PTCHD4: variants seen among roughly 807,000 people sequenced by gnomAD.
The protein encoded by PTCHD4 is patched domain containing 4, also known as patched domain-containing protein 4.
PTCHD4 carries 33 observed loss-of-function variants against 58.1 expected under a neutral mutation model. The ratio of observed to expected loss-of-function variants is 0.57; its 90% CI spans 0.43 to 0.76. PTCHD4 has a LOEUF of 0.76. PTCHD4 is among the 30% of genes least tolerant of loss of function. The pLI, the probability that PTCHD4 is intolerant of heterozygous loss-of-function variation, is 0.00. For synonymous variants in PTCHD4, 478 were observed against 409.6 expected (o/e 1.17, Z -2.02); for missense variants, 1,058 against 1,027.1 (o/e 1.03, Z -0.41).
chr6:48,044,767 G>A (rs978678207), intron 3 of PTCHD4, among the ~76,000 whole-genome samples: 1 of 151,848 alleles, frequency 6.6e-6, no homozygotes, highest in African/African-American at 2.4e-5. Context: ...AAATGAATAA[G>A]ATAGGAATTT....
At chr6:48,000,400 C>T (rs1768676814) in intron 4 of PTCHD4, among the ~76,000 whole-genome samples, 1 of 152,042 alleles carries the variant, frequency 6.6e-6, no homozygotes, top group Admixed American at 6.6e-5. Flanking sequence ...ATTCTTCTAC[C>T]CAGCTATATG....
At chr6:47,893,606 C>A (rs575955929) in intron 4 of PTCHD4, among the ~76,000 whole-genome samples, 5 of 152,294 alleles carry the variant, frequency 3.3e-5, no homozygotes, top group Non-Finnish European at 5.9e-5. Flanking sequence ...GATTTGCTAA[C>A]CTGCAAAATG....
intron 4 of PTCHD4, among the ~76,000 whole-genome samples, chr6:47,943,407 T>C (rs943889941): frequency 6.6e-6 from 1 of 152,156 alleles, no homozygotes; most frequent in Non-Finnish European, 1.5e-5. Context: ...GAATACCTAC[T>C]AGGGATTGGC....
Position 47,871,331 on chromosome 6 carries a change from TAAAC to T in PTCHD4, c.*6968_*6971del, listed in dbSNP as rs950674937. On this transcript the variant is annotated 3_prime_UTR_variant, in exon 5 of 5. Coordinates refer to ENST00000339488, the MANE Select transcript of PTCHD4 (RefSeq NM_001384253.1). ...TTTGTCTCTTTCTATTTGCCTAGAA[TAAAC>T]AAACAAACACCCGAACAGATTTTTT... Among the ~76,000 whole-genome samples the T allele has an allele frequency of 2.0e-5, 3 of 151,604 alleles. No individual in the cohort carries two copies. The highest frequency in any genetic ancestry group is 3.0e-5 in the Non-Finnish European group (2 of 67,702).
chr6:48,003,751 A>G (rs1768831741), intron 4 of PTCHD4, among the ~76,000 whole-genome samples: 2 of 152,162 alleles, frequency 1.3e-5, no homozygotes, highest in Non-Finnish European at 2.9e-5. Flanking sequence ...ACCTGACCCA[A>G]TACTACCTCT....
At chr6:48,098,599 A>T (rs749166855) in intron 1 of PTCHD4, among the ~76,000 whole-genome samples, 16 of 152,266 alleles carry the variant, frequency 1.1e-4, no homozygotes, top group Non-Finnish European at 1.8e-4. Flanking sequence ...TGAGCCTCCC[A>T]AAGTGCTGGG....
chr6:47,889,497 A>G (rs1272700732), intron 4 of PTCHD4, among the ~76,000 whole-genome samples: 265 of 151,868 alleles, frequency 1.7e-3, no homozygotes, highest in African/African-American at 5.1e-3. Context: ...CCACTTTTTG[A>G]TGGGGTTGTT....
At chr6:47,985,212 G>C (rs2114019683) in intron 4 of PTCHD4, among the ~76,000 whole-genome samples, 1 of 151,850 alleles carries the variant, frequency 6.6e-6, no homozygotes, top group Middle Eastern at 3.4e-3. Flanking sequence ...TGACATAGTT[G>C]AATAAAAATC....
chr6:47,892,230 G>T (rs1394631726), intron 4 of PTCHD4, among the ~76,000 whole-genome samples: 1 of 152,150 alleles, frequency 6.6e-6, no homozygotes, highest in African/African-American at 2.4e-5. Context: ...TGGTCAAGAG[G>T]AAGGAATTGG....
Position 47,876,815 on chromosome 6 carries a change from C to G in PTCHD4, c.*1488G>C, listed in dbSNP as rs1452624988. On this transcript the variant is annotated 3_prime_UTR_variant, in exon 5 of 5. Coordinates refer to ENST00000339488, the MANE Select transcript of PTCHD4 (RefSeq NM_001384253.1). The stretch of plus-strand genomic sequence containing the variant: ...AGCAATAGTCCAAGTAAGCACCCAA[C>G]AGGTGCTTGGGAGTAGTTTTAAACT... Among the ~76,000 whole-genome samples the G allele has an allele frequency of 6.6e-6, 1 of 152,024 alleles. No individual in the cohort carries two copies. The highest frequency in any genetic ancestry group is 2.4e-5 in the African/African-American group (1 of 41,418).
chr6:48,053,045 T>A (rs777051510), intron 3 of PTCHD4, among the ~76,000 whole-genome samples: 1 of 152,216 alleles, frequency 6.6e-6, no homozygotes, highest in South Asian at 2.1e-4. Flanking sequence ...TTTCCTCTAA[T>A]TGATATTATG....
chr6:48,009,090 G>A lies in PTCHD4; in HGVS notation c.442C>T (p.His148Tyr), dbSNP rs1656752784. Reference protein sequence around the residue: ...MKDGRNSFIGHQLGGVVEVPN... With the variant: ...MKDGRNSFIGYQLGGVVEVPN... ...ACTTCCACTACCCCGCCCAGTTGGTGTCCAATAAAACTGTTCCTCCCATCC... is the reference window on the plus strand; with the variant it reads ...ACTTCCACTACCCCGCCCAGTTGGTATCCAATAAAACTGTTCCTCCCATCC... The change falls in exon 4 of 5, where the codon CAC becomes TAC. Residue 148 changes from histidine to tyrosine, a missense_variant. Physicochemically the swap from His to Tyr is moderately conservative, Grantham distance 83. Transcript: ENST00000339488. The A allele has an allele frequency of 6.2e-7, 1 of 1,612,208 alleles. No homozygotes were observed. The highest frequency in any genetic ancestry group is 1.7e-5 in the Admixed American group (1 of 59,786).
At chr6:47,991,572 A>G (rs1311672706) in intron 4 of PTCHD4, among the ~76,000 whole-genome samples, 1 of 152,120 alleles carries the variant, frequency 6.6e-6, no homozygotes, top group Non-Finnish European at 1.5e-5. Flanking sequence ...TAGTAAATGT[A>G]AAAGATTATG....
At chr6:48,039,968 T>A (rs921387769) in intron 3 of PTCHD4, among the ~76,000 whole-genome samples, 3 of 152,090 alleles carry the variant, frequency 2.0e-5, no homozygotes, top group Non-Finnish European at 4.4e-5. Flanking sequence ...AAATGCAGAT[T>A]CTGATTCAAT....
At chr6:48,027,106 T>C (rs1763275262) in intron 3 of PTCHD4, among the ~76,000 whole-genome samples, 1 of 152,164 alleles carries the variant, frequency 6.6e-6, no homozygotes, top group Admixed American at 6.5e-5. Context: ...TGTTTATACA[T>C]GTGTATGTAT....
intron 4 of PTCHD4, among the ~76,000 whole-genome samples, chr6:47,958,233 T>C (rs1766945015): frequency 6.6e-6 from 1 of 152,286 alleles, no homozygotes; most frequent in South Asian, 2.1e-4. Flanking sequence ...CAAATTAAAG[T>C]TCCAGTGACC....
chr6:47,997,791 T>C (rs899887724), intron 4 of PTCHD4, among the ~76,000 whole-genome samples: 3 of 152,334 alleles, frequency 2.0e-5, no homozygotes, highest in African/African-American at 4.8e-5. Context: ...AGGTGGGAAT[T>C]AGTCCACAGG....
chr6:47,915,045 T>C (rs1371439321), intron 4 of PTCHD4, among the ~76,000 whole-genome samples: 1 of 152,168 alleles, frequency 6.6e-6, no homozygotes, highest in Non-Finnish European at 1.5e-5. Flanking sequence ...AAAATATGTC[T>C]GCCTGAGGTA....
At chr6:47,993,273 C>T (rs1768348824) in intron 4 of PTCHD4, among the ~76,000 whole-genome samples, 1 of 152,074 alleles carries the variant, frequency 6.6e-6, no homozygotes, top group Admixed American at 6.6e-5. Flanking sequence ...TAATGCCAGC[C>T]TCCGATTTTA....
Sources: allele counts gnomAD v4.1 joint callset (sites outside exome capture counted in the v4.1 genomes callset), GRCh38; gene constraint gnomAD v4.1.1; transcripts MANE v1.5; gene names NCBI Gene and HGNC (gene_info 2026-07-23, HGNC 2026-07-21).